LPAR1: variants seen among roughly 807,000 people sequenced by gnomAD.
The protein encoded by LPAR1 is lysophosphatidic acid receptor 1.
Under a neutral mutation model 23.8 loss-of-function variants are expected in LPAR1, and 5 were observed. That is an observed-to-expected ratio of 0.21 (90% CI 0.11 to 0.44). LPAR1 has a LOEUF of 0.44. LPAR1 is among the 20% of genes least tolerant of loss of function. The pLI is 0.99. For synonymous variants in LPAR1, 160 were observed against 164.7 expected (o/e 0.97, Z 0.22); for missense variants, 311 against 482.8 (o/e 0.64, Z 3.33).
intron 2 of LPAR1, among the ~76,000 whole-genome samples, chr9:110,976,538 C>A (rs925334648): frequency 3.3e-5 from 5 of 152,070 alleles, no homozygotes; most frequent in Admixed American, 3.3e-4. Flanking sequence ...TACTTGGATA[C>A]CTGTTCTGCA....
In LPAR1 at chr9:110,950,413, G is replaced by A. The variant is rs554466199; in HGVS notation, c.46-8245C>T. 2.9e-4 allele frequency among the ~76,000 whole-genome samples: 43 copies of A among 150,754 alleles called. No individual in the cohort carries two copies. The South Asian group carries it at 8.4e-3, about 29-fold the overall frequency. ...CTGGGAGGCGGAGGTTGCAGTGAGCGGAGATAGCATCACTGCATTCCAGCC... is the reference window on the plus strand; with the variant it reads ...CTGGGAGGCGGAGGTTGCAGTGAGCAGAGATAGCATCACTGCATTCCAGCC... On this transcript the variant is annotated intron_variant, in intron 4 of 5. Transcript: ENST00000683809.
chr9:110,905,596 G>T (rs1019787269), intron 5 of LPAR1, among the ~76,000 whole-genome samples: 2 of 151,766 alleles, frequency 1.3e-5, no homozygotes, highest in East Asian at 1.9e-4. Context: ...CTCATGATCC[G>T]CCCACCTCGG....
rs1473412917 is a variant in LPAR1 at position 110,873,528 on chromosome 9, A to G, written c.*1893T>C. 6.6e-6 allele frequency: 1 copy of G among 152,270 alleles called. No individual in the cohort carries two copies. Among genetic ancestry groups the G allele is most frequent in the Non-Finnish European group, 1.5e-5 (1 of 68,150 alleles). 9.4% of individuals were successfully genotyped at this position (152,270 alleles called of 1,614,324 possible). A position where few individuals can be genotyped will look rare whatever the true frequency, so the allele number is the denominator to read the frequency against. ...CTGACATCCTCCTTCCTAGACAGCC[A>G]TTCATCTCCCGGACTTCTTTCTCTC... On this transcript the variant is annotated 3_prime_UTR_variant, in exon 6 of 6. Transcript: ENST00000683809.
intron 2 of LPAR1, 130 bp downstream of exon 2, chr9:111,035,992 G>T (rs2097885986): frequency 6.6e-6 from 1 of 152,326 alleles, no homozygotes; most frequent in East Asian, 1.9e-4. Flanking sequence ...GTCACTAATG[G>T]AATAGATTCA....
chr9:110,877,122 G>T (rs990242897), intron 5 of LPAR1, among the ~76,000 whole-genome samples: 1 of 152,202 alleles, frequency 6.6e-6, no homozygotes, highest in Non-Finnish European at 1.5e-5. Flanking sequence ...TTGGACTGGG[G>T]TCATGGATTT....
At chr9:110,911,364 T>C (rs544636699) in intron 5 of LPAR1, among the ~76,000 whole-genome samples, 4 of 152,000 alleles carry the variant, frequency 2.6e-5, no homozygotes, top group African/African-American at 9.7e-5. Context: ...CTGGGCAACA[T>C]AGCGAGATGT....
chr9:111,000,216 CA>C (rs2097102812), intron 2 of LPAR1, among the ~76,000 whole-genome samples: 1 of 152,186 alleles, frequency 6.6e-6, no homozygotes, highest in Non-Finnish European at 1.5e-5. Context: ...TTTCATAAAT[CA>C]GCAAGCACAA....
In LPAR1 at chr9:110,875,553, G is replaced by T. The variant is rs747270836; in HGVS notation, c.963C>A (p.Thr321=). ...YSYRDKEMSA[T]FRQILCCQRS... ...GCTGGCAGCAGAGGATCTGCCTAAA[G>T]GTGGCGCTCATTTCTTTGTCGCGGT... Residue 321 remains threonine (T), a synonymous_variant, in exon 6 of 6, where the codon ACC becomes ACA. Coordinates refer to ENST00000683809, the MANE Select transcript of LPAR1 (RefSeq NM_001351411.2). The T allele has an allele frequency of 6.2e-7, 1 of 1,614,192 alleles. No homozygotes were observed. Among genetic ancestry groups the T allele is most frequent in the Non-Finnish European group, 8.5e-7 (1 of 1,180,018 alleles).
chr9:111,008,173 C>CAA (rs5899928), intron 2 of LPAR1, among the ~76,000 whole-genome samples: 26 of 142,920 alleles, frequency 1.8e-4, no homozygotes, highest in South Asian at 1.1e-3. Context: ...GACTCCATCT[C>CAA]AAAAAAAAAA....
At chr9:110,992,590 T>A (rs150008221) in intron 2 of LPAR1, among the ~76,000 whole-genome samples, 190 of 152,282 alleles carry the variant, frequency 1.2e-3, no homozygotes, top group African/African-American at 4.3e-3. Flanking sequence ...ACAGCTCAAA[T>A]GTCCATTCAT....
rs545221234 is a variant in LPAR1, at chr9:110,938,349, G to A, written c.793+3072C>T. Among the ~76,000 whole-genome samples, 4 of 152,252 alleles carry A rather than the reference G, an allele frequency of 2.6e-5. No individual in the cohort carries two copies. The East Asian group carries it at 5.8e-4, about 22-fold the overall frequency. The stretch of plus-strand genomic sequence containing the variant: ...GACCAGCAGGACTTGTTTTCACAAC[G>A]CTGCTGATCAAAACAGGATGTAGCA... On this transcript the variant is annotated intron_variant, in intron 5 of 5. Coordinates refer to ENST00000683809, the MANE Select transcript of LPAR1 (RefSeq NM_001351411.2).
rs183348631 is a variant in LPAR1 at position 110,960,251 on chromosome 9, T to C, written c.45+11822A>G. Among the ~76,000 whole-genome samples, 934 of 152,298 alleles carry C rather than the reference T, an allele frequency of 6.1e-3. 11 individuals carry two copies. The highest frequency in any genetic ancestry group is 0.021 in the African/African-American group (873 of 41,544). On this transcript the variant is annotated intron_variant, in intron 4 of 5. Transcript: ENST00000683809. Reference sequence around the variant, plus strand: ...TAAGTACATGAGGTGATGAATAGCCTGAATAGCCTGACTTGATCATGACAC... The same window carrying C: ...TAAGTACATGAGGTGATGAATAGCCCGAATAGCCTGACTTGATCATGACAC...
chr9:110,946,256 A>T (rs1223844217), intron 4 of LPAR1, among the ~76,000 whole-genome samples: 1 of 152,126 alleles, frequency 6.6e-6, no homozygotes, highest in Non-Finnish European at 1.5e-5. Flanking sequence ...TCCAAGAAAG[A>T]TTAGAAGGAA....
chr9:110,954,318 T>C (rs1430410153), intron 4 of LPAR1, among the ~76,000 whole-genome samples: 1 of 152,154 alleles, frequency 6.6e-6, no homozygotes, highest in Non-Finnish European at 1.5e-5. Flanking sequence ...ATGTGACATA[T>C]TGGACACAAT....
intron 4 of LPAR1, among the ~76,000 whole-genome samples, chr9:110,956,664 A>T (rs991576909): frequency 6.6e-6 from 1 of 152,142 alleles, no homozygotes; most frequent in African/African-American, 2.4e-5. Context: ...ATAAACAACT[A>T]TACGCTAGCA....
chr9:111,038,213 G>A lies in LPAR1; in HGVS notation c.-308C>T, dbSNP rs973559601. ...GTCCCTCTCCTGCCGCCCCCGGGCTGGCTTCAGGCCGCGCGCCCAGTCCCG... is the reference window on the plus strand; with the variant it reads ...GTCCCTCTCCTGCCGCCCCCGGGCTAGCTTCAGGCCGCGCGCCCAGTCCCG... On this transcript the variant is annotated 5_prime_UTR_variant, in exon 1 of 6. Transcript: ENST00000683809. The surrounding 1 kb of genome is among the most constrained non-coding windows in gnomAD (Gnocchi z 4.4). 9 of 149,302 alleles carry A rather than the reference G, an allele frequency of 6.0e-5. No individual in the cohort carries two copies. Among genetic ancestry groups the A allele is most frequent in the Admixed American group, 4.7e-4 (7 of 14,990 alleles). 9.2% of individuals were successfully genotyped at this position (149,302 alleles called of 1,614,324 possible).
chr9:111,026,069 T>G (rs899866902), intron 2 of LPAR1, among the ~76,000 whole-genome samples: 4 of 152,180 alleles, frequency 2.6e-5, no homozygotes, highest in Admixed American at 2.6e-4. Context: ...GTGAAGAAAG[T>G]CAATGGTAGC....
intron 4 of LPAR1, among the ~76,000 whole-genome samples, chr9:110,963,504 T>G (rs1242652358): frequency 6.6e-6 from 1 of 152,320 alleles, no homozygotes; most frequent in East Asian, 1.9e-4. Context: ...ACAGACCATA[T>G]GTAGTGGTTA....
intron 2 of LPAR1, among the ~76,000 whole-genome samples, chr9:110,988,063 G>C (rs1373867927): frequency 6.8e-6 from 1 of 148,016 alleles, no homozygotes; most frequent in African/African-American, 2.5e-5. Flanking sequence ...CAAGCAAAAA[G>C]ACAGGTGATC....
Sources: allele counts gnomAD v4.1 joint callset (sites outside exome capture counted in the v4.1 genomes callset), GRCh38; gene constraint gnomAD v4.1.1; non-coding constraint Gnocchi (gnomAD v3.1); transcripts MANE v1.5; gene names NCBI Gene and HGNC (gene_info 2026-07-23, HGNC 2026-07-21).